LAMP2: variants seen among roughly 807,000 people sequenced by gnomAD.
The protein encoded by LAMP2 is lysosome associated membrane protein 2.
In LAMP2, 4 loss-of-function variants were observed where a neutral mutation model predicts 25.6. That is an observed-to-expected ratio of 0.16 (90% CI 0.08 to 0.36). The LOEUF (loss-of-function observed/expected upper bound fraction) is 0.36. Among genes scored for constraint, LAMP2 ranks in the 10% least tolerant of loss-of-function variants. LAMP2 has a pLI of 1.00. For synonymous variants in LAMP2, 108 were observed against 112.7 expected, an observed-to-expected ratio of 0.96 and a Z score of 0.27; for missense variants, 272 against 301.4, an observed-to-expected ratio of 0.90 and a Z score of 0.72.
Position 120,428,533 on chromosome X carries a change from G to C in LAMP2, c.*2790C>G. 1 of 1,201,312 alleles carries C rather than the reference G, an allele frequency of 8.3e-7. No homozygotes were observed. The highest frequency in any genetic ancestry group is 1.1e-6 in the Non-Finnish European group (1 of 890,919). On this transcript the variant is annotated 3_prime_UTR_variant, in exon 9 of 9. Transcript: ENST00000200639. Reference sequence around the variant, plus strand: ...ACTTTTCCTTCTTCCAATCATATAAGAGATAAAGACAACAATTATAAGGAA... The same window carrying C: ...ACTTTTCCTTCTTCCAATCATATAACAGATAAAGACAACAATTATAAGGAA...
At chrX:120,434,915 G>A (rs1235921413) in intron 8 of LAMP2, among the ~76,000 whole-genome samples, 1 of 111,729 alleles carries the variant, frequency 9.0e-6, no homozygotes, top group Non-Finnish European at 1.9e-5. Flanking sequence ...GATCACTTGA[G>A]GTCAGGAATT....
intron 6 of LAMP2, among the ~76,000 whole-genome samples, chrX:120,445,222 C>T (rs939484477): frequency 5.0e-4 from 56 of 112,052 alleles, no homozygotes; most frequent in African/African-American, 1.7e-3. Context: ...AGGACAAATT[C>T]AATTAGACAT....
chrX:120,453,612 A>G (rs1206743124), intron 3 of LAMP2, among the ~76,000 whole-genome samples: 1 of 111,902 alleles, frequency 8.9e-6, no homozygotes, highest in Non-Finnish European at 1.9e-5. Context: ...TTTCGAGACC[A>G]TCCTGGCCAA....
chrX:120,463,035 CTT>C (rs1921383772), intron 1 of LAMP2, among the ~76,000 whole-genome samples: 2 of 112,303 alleles, frequency 1.8e-5, no homozygotes, highest in African/African-American at 3.2e-5. Context: ...ATTCTGGACT[CTT>C]GTCCTCAAAC....
chrX:120,450,151 T>C (rs2058615291), intron 3 of LAMP2, among the ~76,000 whole-genome samples: 1 of 112,394 alleles, frequency 8.9e-6, no homozygotes, highest in Non-Finnish European at 1.9e-5. Flanking sequence ...GATGATTCCA[T>C]TTCAGGGAAT....
intron 3 of LAMP2, among the ~76,000 whole-genome samples, chrX:120,449,343 A>G (rs1010720739): frequency 2.1e-4 from 24 of 112,896 alleles, no homozygotes; most frequent in African/African-American, 7.1e-4. Context: ...GGCTGGGCAC[A>G]GTGGCCCATG....
chrX:120,440,632 A>T (rs1469042461), intron 8 of LAMP2, among the ~76,000 whole-genome samples: 1 of 112,318 alleles, frequency 8.9e-6, no homozygotes, highest in South Asian at 3.6e-4. Context: ...AAGTGATGAT[A>T]CTAATACTGC....
Position 120,429,910 on chromosome X carries a change from T to C in LAMP2, c.*1413A>G, listed in dbSNP as rs773379092. ...TTTATGATTAAGCAATAACTTGTACTTTTCTTCTAATTTTAACTTTTCCTC... is the reference window on the plus strand; with the variant it reads ...TTTATGATTAAGCAATAACTTGTACCTTTCTTCTAATTTTAACTTTTCCTC... On this transcript the variant is annotated 3_prime_UTR_variant, in exon 9 of 9. Transcript: ENST00000200639. 1.0e-3 allele frequency: 789 copies of C among 751,495 alleles called. No homozygotes were observed. Among genetic ancestry groups the C allele is most frequent in the Non-Finnish European group, 1.2e-3 (753 of 637,610 alleles). The allele number at this position is 751,495 out of a possible 1,213,427, so 61.9% of individuals were successfully genotyped here.
chrX:120,436,135 C>T (rs2058542214), intron 8 of LAMP2, among the ~76,000 whole-genome samples: 1 of 33,204 alleles, frequency 3.0e-5, no homozygotes, highest in South Asian at 1.6e-3. Context: ...AGCTTACACA[C>T]ACACACACAC....
At position 120,469,254 on chromosome X, in the gene LAMP2, G is replaced by C; in HGVS notation, c.-85C>G. Reference sequence around the variant, plus strand: ...CCAGGGAAAAGGCTCGCTGGACCTGGGTCAAGAGCACTGATGACCACCGAC... The same window carrying C: ...CCAGGGAAAAGGCTCGCTGGACCTGCGTCAAGAGCACTGATGACCACCGAC... On this transcript the variant is annotated 5_prime_UTR_variant, in exon 1 of 9. Coordinates refer to ENST00000200639, the MANE Select transcript of LAMP2 (RefSeq NM_002294.3). 1.0e-6 allele frequency: 1 copy of C among 1,001,362 alleles called. No individual in the cohort carries two copies. The highest frequency in any genetic ancestry group is 3.1e-5 in the East Asian group (1 of 32,207). The allele number at this position is 1,001,362 out of a possible 1,213,427, so 82.5% of individuals were successfully genotyped here. A position where few individuals can be genotyped will look rare whatever the true frequency, so the allele number is the denominator to read the frequency against.
At chrX:120,467,177 G>A (rs933276411) in intron 1 of LAMP2, among the ~76,000 whole-genome samples, 1 of 108,436 alleles carries the variant, frequency 9.2e-6, no homozygotes, top group Admixed American at 9.7e-5. Context: ...TTATTCCGAA[G>A]TTTTGATTTC....
At chrX:120,443,173 A>G (rs1170956658) in intron 6 of LAMP2, among the ~76,000 whole-genome samples, 1 of 111,908 alleles carries the variant, frequency 8.9e-6, no homozygotes, top group East Asian at 2.8e-4. Context: ...GGAAGGTAAG[A>G]TAAACACATA....
chrX:120,431,181 A>G lies in LAMP2; in HGVS notation c.*142T>C. 2.6e-6 allele frequency: 3 copies of G among 1,161,377 alleles called. No homozygotes were observed. The highest frequency in any genetic ancestry group is 3.1e-5 in the East Asian group (1 of 32,493). On this transcript the variant is annotated 3_prime_UTR_variant, in exon 9 of 9. Transcript: ENST00000200639. ...AAGAGAACAGGTTTTATTAATAAAGACTGATCTCAAAATGCTGGGATTGAT... is the reference window on the plus strand; with the variant it reads ...AAGAGAACAGGTTTTATTAATAAAGGCTGATCTCAAAATGCTGGGATTGAT...
intron 7 of LAMP2, 38 bp downstream of exon 7, chrX:120,442,561 A>T: frequency 5.5e-6 from 6 of 1,085,245 alleles, no homozygotes; most frequent in Non-Finnish European, 7.7e-6. Context: ...CTTCAGGGTA[A>T]TCCACAGTCT....
chrX:120,456,655 GT>G lies in LAMP2; in HGVS notation c.178del (p.Thr60LeufsTer5). The G allele has an allele frequency of 9.7e-7, 1 of 1,027,773 alleles. No homozygotes were observed. The highest frequency in any genetic ancestry group is 1.4e-6 in the Non-Finnish European group (1 of 737,808). The allele number at this position is 1,027,773 out of a possible 1,213,427, so 84.7% of individuals were successfully genotyped here. A position where few individuals can be genotyped will look rare whatever the true frequency, so the allele number is the denominator to read the frequency against. On this transcript the variant is annotated frameshift_variant, in exon 2 of 9. Coordinates refer to ENST00000200639, the MANE Select transcript of LAMP2 (RefSeq NM_002294.3). LOFTEE classifies it high-confidence loss of function. The part of the protein sequence containing the change: ...FTVRYETTNK[T>X]YKTVTISDHG... ...AAAATTAAAATATATACTTACATAA[GT>G]TTTATTTGTAGTTTCATAGCGTACT... is the stretch of plus-strand genomic sequence containing the variant.
rs930926638 is a variant in LAMP2, at chrX:120,469,295, G to A, written c.-126C>T. The A allele has an allele frequency of 2.3e-5, 15 of 663,686 alleles. No homozygotes were observed. The highest frequency in any genetic ancestry group is 3.3e-5 in the Non-Finnish European group (14 of 421,222). 54.7% of individuals were successfully genotyped at this position (663,686 alleles called of 1,213,427 possible). Reference sequence around the variant, plus strand: ...GACCACCGACCACAGCCTTGCAAAAGCCAGGAATCGGCGCTTCAGTGCGAG... The same window carrying A: ...GACCACCGACCACAGCCTTGCAAAAACCAGGAATCGGCGCTTCAGTGCGAG... On this transcript the variant is annotated 5_prime_UTR_variant, in exon 1 of 9. Transcript: ENST00000200639.
chrX:120,434,858 G>A (rs1266266440), intron 8 of LAMP2, among the ~76,000 whole-genome samples: 2 of 112,093 alleles, frequency 1.8e-5, no homozygotes, highest in Non-Finnish European at 3.8e-5. Context: ...GCCAGGCACA[G>A]CGTTTCATGC....
At chrX:120,451,324 T>C (rs1053514022) in intron 3 of LAMP2, among the ~76,000 whole-genome samples, 1 of 112,679 alleles carries the variant, frequency 8.9e-6, no homozygotes, top group East Asian at 2.8e-4. Flanking sequence ...TAGTTTTTTA[T>C]TTTTATTTTT....
chrX:120,431,081 T>G lies in LAMP2; in HGVS notation c.*242A>C. On this transcript the variant is annotated 3_prime_UTR_variant, in exon 9 of 9. Transcript: ENST00000200639. Reference sequence around the variant, plus strand: ...CTTCTTAAGATAGACCTTAAAACATTGCACGTTGATGTTCTTTTGAACAAG... The same window carrying G: ...CTTCTTAAGATAGACCTTAAAACATGGCACGTTGATGTTCTTTTGAACAAG... The G allele has an allele frequency of 9.1e-6, 9 of 988,938 alleles. No homozygotes were observed. The highest frequency in any genetic ancestry group is 1.2e-5 in the Non-Finnish European group (9 of 781,098). The allele number at this position is 988,938 out of a possible 1,213,427, so 81.5% of individuals were successfully genotyped here.
Sources: allele counts gnomAD v4.1 joint callset (sites outside exome capture counted in the v4.1 genomes callset), GRCh38; gene constraint gnomAD v4.1.1; transcripts MANE v1.5; gene names NCBI Gene and HGNC (gene_info 2026-07-23, HGNC 2026-07-21).